Variants in VPS35 observed in about 807,000 individuals in gnomAD.
The protein encoded by VPS35 is VPS35 retromer complex component.
VPS35 carries 21 observed loss-of-function variants against 98.1 expected under a neutral mutation model. That is an observed-to-expected ratio of 0.21 (90% CI 0.15 to 0.31). The LOEUF (loss-of-function observed/expected upper bound fraction) is 0.31. Among genes scored for constraint, VPS35 ranks in the 10% least tolerant of loss-of-function variants. The pLI is 1.00. For synonymous variants in VPS35, 268 were observed against 318.2 expected, an observed-to-expected ratio of 0.84 and a Z score of 1.68; for missense variants, 554 against 950.8, an observed-to-expected ratio of 0.58 and a Z score of 5.49.
In VPS35 at chr16:46,688,993, C is replaced by T. The variant is rs778222228; in HGVS notation, c.3+138G>A. The T allele has an allele frequency of 5.8e-6, 9 of 1,542,618 alleles. No individual in the cohort carries two copies. In the South Asian group the frequency reaches 9.5e-5, roughly 16 times the overall value. ...GCCTTCCTCCTGCTGTCCCCTATCCCGCAGGCCAAATCGGGCTGGTCTTAA... is the reference window on the plus strand; with the variant it reads ...GCCTTCCTCCTGCTGTCCCCTATCCTGCAGGCCAAATCGGGCTGGTCTTAA... On this transcript the variant is annotated intron_variant, in intron 1 of 16. Transcript: ENST00000299138.
At position 46,677,330 on chromosome 16, in the gene VPS35, C is replaced by T. The variant is rs1344390220; in HGVS notation, c.789G>A (p.Met263Ile). Residue 263 changes from methionine (M) to isoleucine (I), a missense_variant, in exon 7 of 17, where the codon ATG becomes ATA. This residue lies in a region of VPS35 where 77 missense variants were observed against 222.3 expected (regional missense o/e 0.35). Coordinates refer to ENST00000299138, the MANE Select transcript of VPS35 (RefSeq NM_018206.6). ...TCCCAGCTACCTGAATAATACACTC[C>T]ATGAGATATTCTTGAGCCAAAGCAT... ...CRDALAQEYL[M>I]ECIIQVFPDE... is the part of the protein sequence containing the mutation. 6.2e-7 allele frequency: 1 copy of T among 1,613,748 alleles called. No individual in the cohort carries two copies. The highest frequency in any genetic ancestry group is 8.5e-7 in the Non-Finnish European group (1 of 1,179,776).
intron 7 of VPS35, among the ~76,000 whole-genome samples, chr16:46,677,047 G>A (rs1444825930): frequency 3.3e-5 from 5 of 150,882 alleles, no homozygotes; most frequent in Non-Finnish European, 5.9e-5. Context: ...AAAAAAAAAA[G>A]AAACACTAAA....
At chr16:46,685,756 C>T (rs149395024) in intron 1 of VPS35, among the ~76,000 whole-genome samples, 26 of 152,132 alleles carry the variant, frequency 1.7e-4, no homozygotes, top group African/African-American at 4.6e-4. Flanking sequence ...TACCTCTGGA[C>T]GCAATAGATT....
At chr16:46,664,056 A>G (rs1965953478) in intron 13 of VPS35, among the ~76,000 whole-genome samples, 1 of 151,686 alleles carries the variant, frequency 6.6e-6, no homozygotes, top group African/African-American at 2.4e-5. Flanking sequence ...CAAATTGGAG[A>G]AAATTAGAAA....
At chr16:46,671,232 T>A (rs1966063690) in intron 12 of VPS35, among the ~76,000 whole-genome samples, 1 of 152,134 alleles carries the variant, frequency 6.6e-6, no homozygotes, top group Non-Finnish European at 1.5e-5. Context: ...CTTGCAAATT[T>A]GGAAAAGTAA....
intron 12 of VPS35, among the ~76,000 whole-genome samples, chr16:46,671,241 A>G (rs543417354): frequency 6.6e-6 from 1 of 152,332 alleles, no homozygotes; most frequent in South Asian, 2.1e-4. Context: ...TTGGAAAAGT[A>G]AAATTAAATA....
intron 12 of VPS35, among the ~76,000 whole-genome samples, chr16:46,671,112 G>A (rs1273115884): frequency 4.6e-5 from 7 of 151,136 alleles, no homozygotes; most frequent in Non-Finnish European, 1.5e-5. Flanking sequence ...AACCTCATGT[G>A]ATTGTTCTTT....
Position 46,656,285 on chromosome 16 carries a change from T to C in VPS35, c.*4187A>G, listed in dbSNP as rs1965843496. On this transcript the variant is annotated 3_prime_UTR_variant, in exon 17 of 17. Coordinates refer to ENST00000299138, the MANE Select transcript of VPS35 (RefSeq NM_018206.6). ...GGGAAGATAAACTCGTAATGAACATTATCAATCAGTATGCAATTCAATGGA... is the reference window on the plus strand; with the variant it reads ...GGGAAGATAAACTCGTAATGAACATCATCAATCAGTATGCAATTCAATGGA... 6.6e-6 allele frequency: 1 copy of C among 152,218 alleles called. No individual in the cohort carries two copies. Among genetic ancestry groups the C allele is most frequent in the African/African-American group, 2.4e-5 (1 of 41,466 alleles). The allele number at this position is 152,218 out of a possible 1,614,324, so 9.4% of individuals were successfully genotyped here. A position where few individuals can be genotyped will look rare whatever the true frequency, so the allele number is the denominator to read the frequency against.
intron 5 of VPS35, among the ~76,000 whole-genome samples, chr16:46,679,419 A>G (rs1966199660): frequency 3.3e-5 from 5 of 152,306 alleles, no homozygotes; most frequent in South Asian, 2.1e-4. Flanking sequence ...CTCTTATGGC[A>G]ACTTCCTTAA....
chr16:46,675,489 G>A (rs1966134618), intron 8 of VPS35, among the ~76,000 whole-genome samples: 1 of 152,130 alleles, frequency 6.6e-6, no homozygotes, highest in Non-Finnish European at 1.5e-5. Flanking sequence ...TACTGACAGA[G>A]ATGTGTAAGT....
At chr16:46,689,027 G>A (rs753350623) in intron 1 of VPS35, 104 bp downstream of exon 1, 158 of 1,559,352 alleles carry the variant, frequency 1.0e-4, no homozygotes, top group Non-Finnish European at 1.3e-4. Flanking sequence ...AATCCCGAAC[G>A]GTCTGTGGGG....
chr16:46,688,961 GCCCGCGGC>G (rs1966373126), intron 1 of VPS35, 162 bp downstream of exon 1: 5 of 1,504,778 alleles, frequency 3.3e-6, no homozygotes, highest in Non-Finnish European at 4.5e-6. Flanking sequence ...GGATCAGCCT[GCCCGCGGC>G]CTTCCTCCTG....
In VPS35 at chr16:46,661,984, T is replaced by G. The variant is rs967800759; in HGVS notation, c.2068-123A>C. 8 of 1,406,150 alleles carry G rather than the reference T, an allele frequency of 5.7e-6. No individual in the cohort carries two copies. The African/African-American group carries it at 1.2e-4, about 20-fold the overall frequency. The allele number at this position is 1,406,150 out of a possible 1,614,324, so 87.1% of individuals were successfully genotyped here. Reference sequence around the variant, plus strand: ...AGGGACATAACAAATTTAAATCCTTTTCATTCTCCTTCTTCTTGTTTTGAA... The same window carrying G: ...AGGGACATAACAAATTTAAATCCTTGTCATTCTCCTTCTTCTTGTTTTGAA... On this transcript the variant is annotated intron_variant, in intron 15 of 16. Transcript: ENST00000299138. The surrounding 1 kb of genome is among the most constrained non-coding windows in gnomAD (Gnocchi z 4.3).
intron 1 of VPS35, among the ~76,000 whole-genome samples, chr16:46,687,660 G>T (rs1966339051): frequency 6.6e-6 from 1 of 152,076 alleles, no homozygotes; most frequent in Admixed American, 6.5e-5. Flanking sequence ...TTGGTACCCA[G>T]GGCCACAGTC....
chr16:46,664,996 T>G (rs1252941709), intron 13 of VPS35, among the ~76,000 whole-genome samples: 1 of 152,224 alleles, frequency 6.6e-6, no homozygotes, highest in Non-Finnish European at 1.5e-5. Context: ...ATTGAGACCC[T>G]AATTATTCCC....
In VPS35 at chr16:46,681,492, T is replaced by A. The variant is rs781057884; in HGVS notation, c.208A>T (p.Ile70Phe). The A allele has an allele frequency of 6.2e-7, 1 of 1,612,630 alleles. No individual in the cohort carries two copies. The highest frequency in any genetic ancestry group is 2.2e-5 in the East Asian group (1 of 44,810). The change falls in exon 4 of 17, where the codon ATT (isoleucine) becomes TTT (phenylalanine). Residue 70 changes from isoleucine (I) to phenylalanine (F), a missense_variant. Around this residue, in one of 5 missense-constraint regions of VPS35, gnomAD observed 67 missense variants for 103.3 expected, o/e 0.65. Coordinates refer to ENST00000299138, the MANE Select transcript of VPS35 (RefSeq NM_018206.6). ...PKSYYELYMA[I>F]SDELHYLEVY... ...TCCAAGTAGTGCAGTTCATCAGAAA[T>A]GGCCATATCTTTTAATTATGATTAA...
At chr16:46,669,116 T>C (rs774881117) in intron 12 of VPS35, 64 bp from the exon 13 acceptor site, 1 of 1,594,964 alleles carries the variant, frequency 6.3e-7, no homozygotes, top group East Asian at 2.2e-5. Context: ...GTGAAATAAA[T>C]GTGGGCTCTA....
chr16:46,671,401 GTT>G (rs1966066446), intron 12 of VPS35, among the ~76,000 whole-genome samples: 1 of 151,998 alleles, frequency 6.6e-6, no homozygotes, highest in South Asian at 2.1e-4. Context: ...CAACTGAATT[GTT>G]ACTCACATGC....
rs754487190 is a variant in VPS35 at position 46,676,629 on chromosome 16, G to A, written c.868C>T (p.His290Tyr). The A allele has an allele frequency of 3.1e-6, 5 of 1,612,828 alleles. No individual in the cohort carries two copies. The highest frequency in any genetic ancestry group is 2.2e-5 in the East Asian group (1 of 44,820). Residue 290 changes from histidine to tyrosine, a missense_variant, in exon 8 of 17, where the codon CAC (histidine) becomes TAC (tyrosine). Transcript: ENST00000299138. Reference sequence around the variant, plus strand: ...ATGTTCTTCACATTTACATTCTGGTGTAACTCAGCACAGGCCCGAAGAAAA... The same window carrying A: ...ATGTTCTTCACATTTACATTCTGGTATAACTCAGCACAGGCCCGAAGAAAA... Reference protein sequence around the residue: ...NPFLRACAELHQNVNVKNIII... With the variant: ...NPFLRACAELYQNVNVKNIII...
Sources: gnomAD v4.1 joint callset for allele counts (sites outside exome capture counted in the v4.1 genomes callset) on GRCh38, gnomAD v4.1.1 for gene constraint, gnomAD v4.1.1 regional missense constraint, Gnocchi (gnomAD v3.1) non-coding constraint, MANE v1.5 for transcripts, NCBI Gene and HGNC (gene_info 2026-07-23, HGNC 2026-07-21) for gene names.